GLIS3: variants seen among roughly 807,000 people sequenced by gnomAD.
GLIS3 encodes the protein zinc finger protein GLIS3.
Under a neutral mutation model 78.6 loss-of-function variants are expected in GLIS3, and 53 were observed. The observed-to-expected ratio is 0.67, with a 90% CI of 0.54 to 0.85. The LOEUF is 0.85. GLIS3 is among the 40% of genes least tolerant of loss of function. The pLI is 0.00. For synonymous variants in GLIS3, 684 were observed against 509.9 expected, an observed-to-expected ratio of 1.34 and a Z score of -4.60; for missense variants, 1,703 against 1,231.1, an observed-to-expected ratio of 1.38 and a Z score of -5.74.
At chr9:4,031,470 C>G (rs1332379486) in intron 4 of GLIS3, among the ~76,000 whole-genome samples, 1 of 152,110 alleles carries the variant, frequency 6.6e-6, no homozygotes, top group African/African-American at 2.4e-5. Context: ...TTAGTAGTTG[C>G]CTGTGGCTGA....
At chr9:4,439,159 T>C in the GLIS3 span, among the ~76,000 whole-genome samples, 1 of 152,188 alleles carries the variant, frequency 6.6e-6, no homozygotes, top group African/African-American at 2.4e-5. Flanking sequence ...TACCTTCCAA[T>C]TCCCTAATCA....
chr9:4,039,059 A>C (rs1824573200), intron 4 of GLIS3, among the ~76,000 whole-genome samples: 1 of 152,166 alleles, frequency 6.6e-6, no homozygotes, highest in Non-Finnish European at 1.5e-5. Context: ...GAGAATAAAA[A>C]AGGAAAACCA....
At chr9:4,034,224 A>C (rs890030965) in intron 4 of GLIS3, among the ~76,000 whole-genome samples, 3 of 152,170 alleles carry the variant, frequency 2.0e-5, no homozygotes, top group East Asian at 1.9e-4. Context: ...CTTGTCTCAA[A>C]AAAAAGTCGT....
chr9:4,232,639 G>A (rs1375985780), intron 2 of GLIS3, among the ~76,000 whole-genome samples: 1 of 152,096 alleles, frequency 6.6e-6, no homozygotes, highest in Non-Finnish European at 1.5e-5. Context: ...CTAGCAACAG[G>A]TAGGCTACTA....
chr9:4,156,065 T>C (rs1835021128), intron 2 of GLIS3, among the ~76,000 whole-genome samples: 1 of 152,102 alleles, frequency 6.6e-6, no homozygotes, highest in South Asian at 2.1e-4. Context: ...GGTGGAGAAG[T>C]ACATTCAAAC....
At chr9:3,862,562 A>T (rs897441845) in intron 8 of GLIS3, among the ~76,000 whole-genome samples, 1 of 152,218 alleles carries the variant, frequency 6.6e-6, no homozygotes, top group Non-Finnish European at 1.5e-5. Flanking sequence ...TTGTGTTACC[A>T]GTCAAGCATG....
chr9:4,158,946 C>G (rs1835251762), intron 2 of GLIS3, among the ~76,000 whole-genome samples: 1 of 146,272 alleles, frequency 6.8e-6, no homozygotes, highest in African/African-American at 2.5e-5. Flanking sequence ...TGTAACAATA[C>G]GGGGGCGGAG....
chr9:4,005,852 T>C lies in GLIS3; in HGVS notation c.1711-68663A>G, dbSNP rs903567480. On this transcript the variant is annotated intron_variant, in intron 4 of 10. Coordinates refer to ENST00000381971, the MANE Select transcript of GLIS3 (RefSeq NM_001042413.2). ...CCAGAAGAGAATGAAAAAACATTTG[T>C]TAGGCAAATAATTCTATTCTGGGGT... 2.6e-5 allele frequency among the ~76,000 whole-genome samples: 4 copies of C among 152,202 alleles called. No individual in the cohort carries two copies. The East Asian group carries it at 5.8e-4, about 22-fold the overall frequency.
the GLIS3 span, among the ~76,000 whole-genome samples, chr9:4,477,400 T>C: frequency 7.2e-6 from 1 of 139,566 alleles, no homozygotes; most frequent in Non-Finnish European, 1.6e-5. Context: ...AATAGGACAT[T>C]AGTGTGTTTT....
At chr9:3,946,365 TAAG>T (rs1308884079) in intron 4 of GLIS3, among the ~76,000 whole-genome samples, 1 of 152,234 alleles carries the variant, frequency 6.6e-6, no homozygotes, top group Non-Finnish European at 1.5e-5. Flanking sequence ...GAACTCCTTG[TAAG>T]AATGCATATT....
At chr9:4,471,003 C>T in the GLIS3 span, among the ~76,000 whole-genome samples, 1,168 of 151,184 alleles carry the variant, frequency 7.7e-3, 10 homozygotes, top group African/African-American at 0.027. Flanking sequence ...CTCCCATTCA[C>T]AATTGCTTCA....
intron 2 of GLIS3, among the ~76,000 whole-genome samples, chr9:4,136,548 A>G (rs1308382364): frequency 6.6e-6 from 1 of 152,242 alleles, no homozygotes; most frequent in Non-Finnish European, 1.5e-5. Context: ...TAATATTTAA[A>G]GTACATTTGT....
chr9:4,091,686 C>T (rs1006480479), intron 4 of GLIS3, among the ~76,000 whole-genome samples: 1 of 152,144 alleles, frequency 6.6e-6, no homozygotes, highest in African/African-American at 2.4e-5. Flanking sequence ...TCTCACTTCT[C>T]CTTCCTGCCA....
chr9:4,288,457 C>T lies in GLIS3; in HGVS notation c.-98-1934G>A, dbSNP rs560656067. On this transcript the variant is annotated intron_variant, in intron 1 of 10. Transcript: ENST00000381971. Reference sequence around the variant, plus strand: ...TGACAAGTGTCTGCAGATTTTCAGACTGTGCCCATTTCCAGGTTTTTAAAA... The same window carrying T: ...TGACAAGTGTCTGCAGATTTTCAGATTGTGCCCATTTCCAGGTTTTTAAAA... Among the ~76,000 whole-genome samples, 165 of 149,108 alleles carry T rather than the reference C, an allele frequency of 1.1e-3. 1 individual carries two copies. Among genetic ancestry groups the T allele is most frequent in the African/African-American group, 3.9e-3 (159 of 40,596 alleles).
At chr9:3,858,238 G>C (rs1270514426) in intron 8 of GLIS3, among the ~76,000 whole-genome samples, 2 of 152,156 alleles carry the variant, frequency 1.3e-5, no homozygotes, top group African/African-American at 4.8e-5. Context: ...GTTGAGGACT[G>C]ATGGGACACA....
At chr9:4,060,438 TG>T (rs1459283480) in intron 4 of GLIS3, among the ~76,000 whole-genome samples, 3 of 152,202 alleles carry the variant, frequency 2.0e-5, no homozygotes. Context: ...ATTTAATATT[TG>T]CCCCCGTGTT....
chr9:4,478,622 C>G, the GLIS3 span, among the ~76,000 whole-genome samples: 2 of 151,102 alleles, frequency 1.3e-5, no homozygotes, highest in Admixed American at 1.3e-4. Context: ...AAAAAAACAT[C>G]AGTAGTCACC....
the GLIS3 span, among the ~76,000 whole-genome samples, chr9:4,480,466 G>A: frequency 6.6e-6 from 1 of 152,008 alleles, no homozygotes. Context: ...CTCGCAAAGT[G>A]CTAGGATTAT....
chr9:3,976,473 T>C (rs1818797414), intron 4 of GLIS3, among the ~76,000 whole-genome samples: 1 of 143,158 alleles, frequency 7.0e-6, no homozygotes, highest in South Asian at 2.1e-4. Context: ...CCAAATGCAG[T>C]CTTCTGTCCC....
Sources: gnomAD v4.1 joint callset for allele counts (sites outside exome capture counted in the v4.1 genomes callset) on GRCh38, gnomAD v4.1.1 for gene constraint, MANE v1.5 for transcripts, NCBI Gene and HGNC (gene_info 2026-07-23, HGNC 2026-07-21) for gene names.